The following NRG3 variants were observed in gnomAD, a reference collection of about 807,000 sequenced individuals.
NRG3 encodes the protein neuregulin 3.
NRG3 carries 31 observed loss-of-function variants against 66.9 expected under a neutral mutation model. The ratio of observed to expected loss-of-function variants is 0.46; its 90% CI spans 0.35 to 0.63. The LOEUF (loss-of-function observed/expected upper bound fraction) is 0.63. Ranked by LOEUF, NRG3 falls within the 20% of genes least tolerant of loss-of-function variation. The pLI, the probability that NRG3 is intolerant of heterozygous loss-of-function variation, is 0.00. For missense variants in NRG3, 910 were observed against 878.9 expected, an observed-to-expected ratio of 1.04 and a Z score of -0.45; for synonymous variants, 393 against 359.4, an observed-to-expected ratio of 1.09 and a Z score of -1.06.
chr10:82,334,903 C>T (rs1436469857), intron 1 of NRG3, among the ~76,000 whole-genome samples: 1 of 152,162 alleles, frequency 6.6e-6, no homozygotes, highest in African/African-American at 2.4e-5. Context: ...AATAATGTCA[C>T]AGCTCTCAGG....
At chr10:82,699,546 C>A (rs920308165) in intron 2 of NRG3, among the ~76,000 whole-genome samples, 2 of 151,990 alleles carry the variant, frequency 1.3e-5, no homozygotes, top group African/African-American at 4.8e-5. Flanking sequence ...AAACTATTGG[C>A]CAATTCTTTT....
intron 2 of NRG3, among the ~76,000 whole-genome samples, chr10:82,425,883 G>A (rs1220741662): frequency 6.6e-6 from 1 of 152,116 alleles, no homozygotes; most frequent in Admixed American, 6.6e-5. Context: ...TGTTATTATA[G>A]AAGAGTCCTA....
intron 4 of NRG3, among the ~76,000 whole-genome samples, chr10:82,925,872 C>G (rs1236946100): frequency 6.6e-6 from 1 of 152,192 alleles, no homozygotes; most frequent in Non-Finnish European, 1.5e-5. Context: ...CCCTACACCC[C>G]CTTTTGCAGC....
At chr10:82,095,300 CAAA>C (rs11351940) in intron 1 of NRG3, among the ~76,000 whole-genome samples, 6 of 148,774 alleles carry the variant, frequency 4.0e-5, no homozygotes, top group African/African-American at 1.5e-4. Context: ...TTGCTTAAGC[CAAA>C]AAAAAAAAAT....
At chr10:81,903,593 G>T (rs1040454489) in intron 1 of NRG3, among the ~76,000 whole-genome samples, 1 of 152,122 alleles carries the variant, frequency 6.6e-6, no homozygotes, top group Non-Finnish European at 1.5e-5. Context: ...AAAGTATGCC[G>T]AGAACTCGTA....
chr10:82,521,193 A>G (rs755460194), intron 2 of NRG3, among the ~76,000 whole-genome samples: 23 of 152,166 alleles, frequency 1.5e-4, no homozygotes, highest in Non-Finnish European at 2.9e-4. Context: ...TACAAAAAAT[A>G]CCTTAATTAA....
intron 1 of NRG3, among the ~76,000 whole-genome samples, chr10:82,132,257 T>G (rs1590226062): frequency 6.6e-6 from 1 of 151,318 alleles, no homozygotes. Flanking sequence ...GATATTAAAT[T>G]TTAACAAATG....
chr10:82,478,466 T>C (rs1420390247), intron 2 of NRG3, among the ~76,000 whole-genome samples: 2 of 50,472 alleles, frequency 4.0e-5, no homozygotes, highest in African/African-American at 9.6e-5. Context: ...TTAACGAGCA[T>C]GCTGCCTTCA....
At chr10:82,555,296 C>G (rs2044580450) in intron 2 of NRG3, among the ~76,000 whole-genome samples, 1 of 151,982 alleles carries the variant, frequency 6.6e-6, no homozygotes, top group African/African-American at 2.4e-5. Flanking sequence ...CTATTTAAAC[C>G]CATTGTCCAG....
intron 1 of NRG3, among the ~76,000 whole-genome samples, chr10:82,034,863 ACGGT>A (rs2062729135): frequency 5.9e-5 from 9 of 151,966 alleles, no homozygotes; most frequent in Admixed American, 5.9e-4. Flanking sequence ...AGCACCTCCT[ACGGT>A]CTGGCAGCCC....
chr10:82,223,642 A>AACACAC (rs398014296), intron 1 of NRG3, among the ~76,000 whole-genome samples: 4,844 of 137,946 alleles, frequency 0.035, 96 homozygotes, highest in South Asian at 0.055. Flanking sequence ...AACCACCCCA[A>AACACAC]ACACACACAC....
intron 1 of NRG3, among the ~76,000 whole-genome samples, chr10:82,152,283 A>G (rs767371359): frequency 4.6e-5 from 7 of 152,216 alleles, no homozygotes; most frequent in Non-Finnish European, 7.3e-5. Flanking sequence ...CATACTGGAA[A>G]CAGCTTCTCT....
At chr10:81,986,151 G>GC (rs1235635301) in intron 1 of NRG3, among the ~76,000 whole-genome samples, 3 of 152,066 alleles carry the variant, frequency 2.0e-5, no homozygotes, top group Non-Finnish European at 4.4e-5. Flanking sequence ...ATGAAGCCAG[G>GC]AATTATTTTT....
At chr10:82,846,935 A>G (rs542948794) in intron 3 of NRG3, among the ~76,000 whole-genome samples, 1 of 152,316 alleles carries the variant, frequency 6.6e-6, no homozygotes, top group East Asian at 1.9e-4. Context: ...AGAAAACTCA[A>G]TTAAACCATG....
At chr10:82,722,886 C>T (rs1292850338) in intron 2 of NRG3, among the ~76,000 whole-genome samples, 1 of 152,116 alleles carries the variant, frequency 6.6e-6, no homozygotes, top group Non-Finnish European at 1.5e-5. Flanking sequence ...AGTTAAGAAA[C>T]AGGGCTTACT....
intron 2 of NRG3, among the ~76,000 whole-genome samples, chr10:82,394,739 G>A (rs2086609254): frequency 6.6e-6 from 1 of 152,186 alleles, no homozygotes; most frequent in Non-Finnish European, 1.5e-5. Context: ...TTTAATTAAT[G>A]TGGTTTGTCA....
chr10:82,245,388 C>T (rs1380234838), intron 1 of NRG3, among the ~76,000 whole-genome samples: 2 of 152,176 alleles, frequency 1.3e-5, no homozygotes, highest in African/African-American at 2.4e-5. Context: ...AGCAGCTCAC[C>T]TCCTGCTGTG....
At chr10:82,223,706 G>T (rs2076047473) in intron 1 of NRG3, among the ~76,000 whole-genome samples, 1 of 148,046 alleles carries the variant, frequency 6.8e-6, no homozygotes, top group Non-Finnish European at 1.5e-5. Flanking sequence ...ACGTTCTTCT[G>T]GATGCCCCAC....
intron 3 of NRG3, among the ~76,000 whole-genome samples, chr10:82,791,231 G>A (rs2060574252): frequency 6.6e-6 from 1 of 150,882 alleles, no homozygotes; most frequent in African/African-American, 2.4e-5. Flanking sequence ...AACGTAATGT[G>A]ACAGCTCTGA....
Sources: allele counts gnomAD v4.1 joint callset (sites outside exome capture counted in the v4.1 genomes callset), GRCh38; gene constraint gnomAD v4.1.1; transcripts MANE v1.5; gene names NCBI Gene and HGNC (gene_info 2026-07-23, HGNC 2026-07-21).